Variants in AAMDC observed in about 807,000 individuals in gnomAD.
AAMDC encodes the protein adipogenesis associated Mth938 domain containing.
A neutral mutation model predicts 15.5 loss-of-function variants in AAMDC; 16 were observed. The observed-to-expected ratio is 1.03, with a 90% CI of 0.70 to 1.57. AAMDC has a LOEUF of 1.57. Among genes scored for constraint, AAMDC ranks in the 40% most tolerant of loss-of-function variants. The probability of loss-of-function intolerance (pLI) is 0.00; values close to 1 mark genes in which losing one functional copy is unlikely to be tolerated. For synonymous variants in AAMDC, 51 were observed against 51.6 expected, an observed-to-expected ratio of 0.99 and a Z score of 0.05; for missense variants, 141 against 144.9, an observed-to-expected ratio of 0.97 and a Z score of 0.14.
chr11:77,834,441 G>GTTT lies in AAMDC; in HGVS notation c.-18-8019_-18-8017dup, dbSNP rs11438814. Among the ~76,000 whole-genome samples, 357 of 105,498 alleles carry GTTT rather than the reference G, an allele frequency of 3.4e-3. 2 individuals are homozygous for GTTT. Among genetic ancestry groups the GTTT allele is most frequent in the Non-Finnish European group, 4.1e-3 (222 of 53,896 alleles). The allele number at this position is 105,498 out of a possible 152,430, so 69.2% of individuals were successfully genotyped here. Reference sequence around the variant, plus strand: ...GAATTTCATGGAGAAAGTTGATTTTGTTTTTTTTTTTTTTTTTTTTTGAGA... The same window carrying GTTT: ...GAATTTCATGGAGAAAGTTGATTTTGTTTTTTTTTTTTTTTTTTTTTTTTGAGA... On this transcript the variant is annotated intron_variant, in intron 1 of 3. Coordinates refer to ENST00000393427, the MANE Select transcript of AAMDC (RefSeq NM_024684.4).
intron 5 of AAMDC, chr11:77,878,900 A>T: frequency 6.9e-7 from 1 of 1,440,560 alleles, no homozygotes; most frequent in Non-Finnish European, 9.8e-7. Flanking sequence ...GCTCATTCTG[A>T]CACCTAAGAA....
intron 2 of AAMDC, among the ~76,000 whole-genome samples, chr11:77,865,712 T>C (rs1193598001): frequency 6.6e-6 from 1 of 152,206 alleles, no homozygotes; most frequent in African/African-American, 2.4e-5. Context: ...TTGGAAAAGA[T>C]TTCCATTTTC....
chr11:77,843,713 G>C (rs745756624), intron 2 of AAMDC, among the ~76,000 whole-genome samples: 1 of 152,120 alleles, frequency 6.6e-6, no homozygotes, highest in Non-Finnish European at 1.5e-5. Flanking sequence ...GTGAGATTAG[G>C]ATGCCAGCAT....
At chr11:77,826,862 T>C (rs574522054) in intron 1 of AAMDC, among the ~76,000 whole-genome samples, 4 of 152,328 alleles carry the variant, frequency 2.6e-5, no homozygotes, top group Admixed American at 2.6e-4. Context: ...CCCAGCACTT[T>C]GAGAGGCCGA....
intron 2 of AAMDC, among the ~76,000 whole-genome samples, chr11:77,849,636 T>C (rs544773347): frequency 2.4e-4 from 37 of 152,288 alleles, no homozygotes; most frequent in Non-Finnish European, 4.9e-4. Flanking sequence ...TGGATCTGTT[T>C]TTTTGTGTGT....
At chr11:77,852,820 C>T (rs1248144479) in intron 2 of AAMDC, among the ~76,000 whole-genome samples, 1 of 151,772 alleles carries the variant, frequency 6.6e-6, no homozygotes, top group Non-Finnish European at 1.5e-5. Flanking sequence ...TCTTTATATT[C>T]TGTTCACTTA....
chr11:77,822,359 G>T (rs1948950866), intron 1 of AAMDC, among the ~76,000 whole-genome samples: 1 of 140,266 alleles, frequency 7.1e-6, no homozygotes, highest in Admixed American at 7.7e-5. Flanking sequence ...AGGTTGCAGT[G>T]AGTCGAGGTC....
At chr11:77,828,666 T>G (rs1426580668) in intron 1 of AAMDC, among the ~76,000 whole-genome samples, 1 of 137,652 alleles carries the variant, frequency 7.3e-6, no homozygotes, top group African/African-American at 2.8e-5. Context: ...TGAGACTCCA[T>G]CTCGAAAAAA....
downstream of AAMDC, among the ~76,000 whole-genome samples, chr11:77,903,930 G>A (rs141442825): frequency 5.1e-3 from 782 of 152,186 alleles, 3 homozygotes; most frequent in African/African-American, 0.018. Flanking sequence ...GCCAGCTTCC[G>A]GGCTCTAGGC....
intron 1 of AAMDC, among the ~76,000 whole-genome samples, chr11:77,823,978 A>G (rs147518994): frequency 6.6e-6 from 1 of 152,214 alleles, no homozygotes; most frequent in Non-Finnish European, 1.5e-5. Flanking sequence ...CTGTTAGTCA[A>G]ACAGACTGAT....
chr11:77,831,623 T>C (rs1949428323), intron 1 of AAMDC, among the ~76,000 whole-genome samples: 1 of 152,016 alleles, frequency 6.6e-6, no homozygotes, highest in East Asian at 1.9e-4. Flanking sequence ...TCCCAAGCCA[T>C]GCTTACTATG....
intron 5 of AAMDC, among the ~76,000 whole-genome samples, chr11:77,886,868 A>G (rs929902430): frequency 2.6e-5 from 4 of 152,202 alleles, no homozygotes; most frequent in African/African-American, 9.7e-5. Flanking sequence ...TAACGAAATG[A>G]AGGCAGACAT....
intron 1 of AAMDC, among the ~76,000 whole-genome samples, chr11:77,834,762 A>T (rs1613945): frequency 0.75 from 113,444 of 152,040 alleles, 43,036 homozygotes; most frequent in African/African-American, 0.89. Context: ...AAAAGACTGA[A>T]TAAGTACTTG....
At chr11:77,874,616 G>A (rs1163122887), downstream of AAMDC, among the ~76,000 whole-genome samples, 2 of 152,154 alleles carry the variant, frequency 1.3e-5, no homozygotes, top group African/African-American at 4.8e-5. Flanking sequence ...AGAGCTTGAA[G>A]GGAAGCTGTT....
intron 2 of AAMDC, 85 bp downstream of exon 2, chr11:77,842,713 C>T (rs1231499501): frequency 3.9e-6 from 6 of 1,541,794 alleles, no homozygotes; most frequent in Admixed American, 4.2e-5. Flanking sequence ...AAGTGAAAAA[C>T]TATTTCTCTT....
At chr11:77,856,255 T>C (rs946030196) in intron 2 of AAMDC, among the ~76,000 whole-genome samples, 2 of 152,244 alleles carry the variant, frequency 1.3e-5, no homozygotes, top group Non-Finnish European at 2.9e-5. Context: ...TTTACACTAG[T>C]TGCCAATAAG....
intron 2 of AAMDC, among the ~76,000 whole-genome samples, chr11:77,860,298 C>T (rs1950822237): frequency 6.6e-6 from 1 of 152,188 alleles, no homozygotes; most frequent in African/African-American, 2.4e-5. Context: ...CTGGCTATTT[C>T]ACCATACCTG....
In AAMDC at chr11:77,862,758, C is replaced by G. The variant is rs373445373; in HGVS notation, c.133-6964C>G. Among the ~76,000 whole-genome samples the G allele has an allele frequency of 1.4e-4, 22 of 152,252 alleles. No individual in the cohort carries two copies. In the South Asian group the frequency reaches 4.1e-3, roughly 29 times the overall value. On this transcript the variant is annotated intron_variant, in intron 2 of 3. Transcript: ENST00000393427. The stretch of plus-strand genomic sequence containing the variant: ...CTTCCTTCTTTTCTACAAAAGAGGT[C>G]TAGGTGTAAGATGGTGTTATAATTT...
intron 1 of AAMDC, chr11:77,829,968 C>T (rs1163691941): frequency 6.6e-6 from 1 of 152,078 alleles, no homozygotes; most frequent in Non-Finnish European, 1.5e-5. Flanking sequence ...CCCATCTCTA[C>T]AAAATTCTTT....
Sources: allele counts gnomAD v4.1 joint callset (sites outside exome capture counted in the v4.1 genomes callset), GRCh38; gene constraint gnomAD v4.1.1; transcripts MANE v1.5; gene names NCBI Gene and HGNC (gene_info 2026-07-23, HGNC 2026-07-21).